Variants in CHST8 observed in about 807,000 individuals in gnomAD.
CHST8 encodes GALNAC-4-ST1.
CHST8 carries 10 observed loss-of-function variants against 15.0 expected under a neutral mutation model. That is an observed-to-expected ratio of 0.67 (90% CI 0.41 to 1.13). The LOEUF (loss-of-function observed/expected upper bound fraction) is 1.13, where lower values mean the gene tolerates loss of function less well. Among genes scored for constraint, CHST8 ranks in the 50% most tolerant of loss-of-function variants. The probability of loss-of-function intolerance (pLI) is 0.00; values close to 1 mark genes in which losing one functional copy is unlikely to be tolerated. For synonymous variants in CHST8, 259 were observed against 256.6 expected (o/e 1.01, Z -0.09); for missense variants, 634 against 608.2 (o/e 1.04, Z -0.45).
At chr19:33,701,126 G>T (rs888336649) in intron 3 of CHST8, among the ~76,000 whole-genome samples, 1 of 152,084 alleles carries the variant, frequency 6.6e-6, no homozygotes. Flanking sequence ...GATTTGGAGG[G>T]GGAGCCCACT....
rs76109558 is a variant in CHST8 at position 33,689,171 on chromosome 19, C to T, written c.-86-5C>T. The stretch of plus-strand genomic sequence containing the variant: ...GGTGATGACTATCCCTCCTCTGCCC[C>T]GTAGATCTCGGCCTGATGGACGCCT... On this transcript the variant is annotated splice_polypyrimidine_tract_variant and splice_region_variant and intron_variant, in intron 2 of 4. Transcript: ENST00000650847. The T allele has an allele frequency of 2.0e-3, 2,913 of 1,431,002 alleles. 42 individuals are homozygous for T. The African/African-American group carries it at 0.036, about 17-fold the overall frequency. 88.6% of individuals were successfully genotyped at this position (1,431,002 alleles called of 1,614,324 possible). A position where few individuals can be genotyped will look rare whatever the true frequency, so the allele number is the denominator to read the frequency against.
intron 3 of CHST8, among the ~76,000 whole-genome samples, chr19:33,768,592 C>G (rs912781460): frequency 6.6e-6 from 1 of 152,048 alleles, no homozygotes; most frequent in African/African-American, 2.4e-5. Flanking sequence ...GCTGGGATAA[C>G]AGGCATGCAC....
chr19:33,626,628 C>T (rs1485584918), intron 1 of CHST8, among the ~76,000 whole-genome samples: 1 of 152,116 alleles, frequency 6.6e-6, no homozygotes, highest in African/African-American at 2.4e-5. Flanking sequence ...AGCCTAGCAC[C>T]TACCCCCTAC....
At position 33,773,030 on chromosome 19, in the gene CHST8, C is replaced by G. The variant is rs766382660; in HGVS notation, c.1242C>G (p.Phe414Leu). Residue 414 changes from phenylalanine (F) to leucine (L), a missense_variant, in exon 5 of 5, where the codon TTC becomes TTG. Coordinates refer to ENST00000650847, the MANE Select transcript of CHST8 (RefSeq NM_001127895.2). Reference protein sequence around the residue: ...YDFYYMDYLMFNYSKPFADLY With the variant: ...YDFYYMDYLMLNYSKPFADLY ...TCTACTACATGGATTACCTGATGTT[C>G]AACTATTCCAAGCCCTTTGCAGATC... The G allele has an allele frequency of 1.2e-6, 2 of 1,610,314 alleles. No homozygotes were observed. Among genetic ancestry groups the G allele is most frequent in the Non-Finnish European group, 1.7e-6 (2 of 1,179,806 alleles).
At chr19:33,706,036 A>G (rs1264303207) in intron 3 of CHST8, among the ~76,000 whole-genome samples, 2 of 152,134 alleles carry the variant, frequency 1.3e-5, no homozygotes, top group African/African-American at 2.4e-5. Context: ...AAACTGAAGC[A>G]CAGAGAGGCA....
At chr19:33,748,603 T>G (rs1387228726) in intron 3 of CHST8, among the ~76,000 whole-genome samples, 1 of 152,164 alleles carries the variant, frequency 6.6e-6, no homozygotes, top group African/African-American at 2.4e-5. Context: ...CAACATGGTG[T>G]TGGGGGTGGC....
At position 33,773,257 on chromosome 19, in the gene CHST8, C is replaced by T; in HGVS notation, c.*194C>T. Reference sequence around the variant, plus strand: ...TTGGATGGGGACCCCAGCCCCTGGCCTGTACCTGTTTCCTCATTCCTTGGC... The same window carrying T: ...TTGGATGGGGACCCCAGCCCCTGGCTTGTACCTGTTTCCTCATTCCTTGGC... On this transcript the variant is annotated 3_prime_UTR_variant, in exon 5 of 5. Coordinates refer to ENST00000650847, the MANE Select transcript of CHST8 (RefSeq NM_001127895.2). The T allele has an allele frequency of 3.2e-6, 2 of 624,342 alleles. No individual in the cohort carries two copies. The highest frequency in any genetic ancestry group is 5.5e-6 in the Non-Finnish European group (2 of 364,642). The allele number at this position is 624,342 out of a possible 1,614,324, so 38.7% of individuals were successfully genotyped here.
intron 2 of CHST8, among the ~76,000 whole-genome samples, chr19:33,678,869 G>A (rs1972846060): frequency 6.6e-6 from 1 of 152,202 alleles, no homozygotes; most frequent in African/African-American, 2.4e-5. Context: ...CATGACCCCA[G>A]CCCGAAGGAC....
chr19:33,641,010 A>G (rs924081309), intron 1 of CHST8, among the ~76,000 whole-genome samples: 2 of 152,150 alleles, frequency 1.3e-5, no homozygotes, highest in Non-Finnish European at 2.9e-5. Context: ...ACAAAGGCCC[A>G]GCCCCTTGTC....
chr19:33,756,130 G>A (rs572469272), intron 3 of CHST8, among the ~76,000 whole-genome samples: 30 of 152,184 alleles, frequency 2.0e-4, no homozygotes, highest in Non-Finnish European at 3.7e-4. Context: ...CTTGGCTGAC[G>A]GATTGCCTTA....
At chr19:33,649,423 A>G (rs945253237) in intron 1 of CHST8, among the ~76,000 whole-genome samples, 2 of 152,208 alleles carry the variant, frequency 1.3e-5, no homozygotes, top group African/African-American at 4.8e-5. Flanking sequence ...GGGGTTCACA[A>G]CCTACAGGCC....
intron 3 of CHST8, among the ~76,000 whole-genome samples, chr19:33,733,317 T>G (rs1334676185): frequency 1.4e-5 from 2 of 144,798 alleles, no homozygotes; most frequent in African/African-American, 5.2e-5. Context: ...CACTGAAACC[T>G]CCACCTCCTG....
At chr19:33,730,322 C>G (rs1204923888) in intron 3 of CHST8, among the ~76,000 whole-genome samples, 2 of 152,208 alleles carry the variant, frequency 1.3e-5, no homozygotes, top group Non-Finnish European at 2.9e-5. Context: ...AGGGAGACCT[C>G]TTGGGAGAAA....
At chr19:33,701,293 C>T (rs540778605) in intron 3 of CHST8, among the ~76,000 whole-genome samples, 2 of 152,252 alleles carry the variant, frequency 1.3e-5, no homozygotes, top group East Asian at 1.9e-4. Flanking sequence ...AGTGAATATT[C>T]GCCTCTTCCT....
chr19:33,757,463 A>AG (rs1568358516), intron 3 of CHST8, among the ~76,000 whole-genome samples: 2 of 43,230 alleles, frequency 4.6e-5, no homozygotes, highest in African/African-American at 9.1e-5. Flanking sequence ...AGAAAGAAAG[A>AG]AAGAAAGAAA....
chr19:33,770,837 A>C (rs1296026771), intron 3 of CHST8, among the ~76,000 whole-genome samples: 1 of 152,230 alleles, frequency 6.6e-6, no homozygotes, highest in East Asian at 1.9e-4. Flanking sequence ...GAAGGCCAAG[A>C]TCACAAAGCA....
chr19:33,682,012 T>C (rs534148805), intron 2 of CHST8, among the ~76,000 whole-genome samples: 1 of 151,766 alleles, frequency 6.6e-6, no homozygotes, highest in African/African-American at 2.4e-5. Flanking sequence ...GCTGCCACCA[T>C]GCCTGGCTAA....
intron 1 of CHST8, among the ~76,000 whole-genome samples, chr19:33,650,507 C>CTTTTTTTTTTTTTTTTTTTTTTTTTT (rs74174678): frequency 1.8e-5 from 1 of 54,546 alleles, no homozygotes; most frequent in African/African-American, 9.7e-5. Flanking sequence ...TTTTCTTTTT[C>CTTTTTTTTTTTTTTTTTTTTTTTTTT]TTTTTCTTTT....
At chr19:33,661,303 C>T (rs1238981503) in intron 1 of CHST8, among the ~76,000 whole-genome samples, 2 of 152,182 alleles carry the variant, frequency 1.3e-5, no homozygotes, top group African/African-American at 4.8e-5. Flanking sequence ...CTTGGCAACA[C>T]CTGCACCTTG....
Sources: allele counts gnomAD v4.1 joint callset (sites outside exome capture counted in the v4.1 genomes callset), GRCh38; gene constraint gnomAD v4.1.1; transcripts MANE v1.5; gene names NCBI Gene and HGNC (gene_info 2026-07-23, HGNC 2026-07-21).